The following IFT88 variants were observed in gnomAD, a reference collection of about 807,000 sequenced individuals.
The protein encoded by IFT88 is intraflagellar transport 88, also known as intraflagellar transport protein 88 homolog.
IFT88 carries 74 observed loss-of-function variants against 119.5 expected under a neutral mutation model. The observed-to-expected ratio is 0.62, with a 90% CI of 0.51 to 0.75. The LOEUF is 0.75. Among genes scored for constraint, IFT88 ranks in the 30% least tolerant of loss-of-function variants. IFT88 has a pLI of 0.00. For missense variants in IFT88, 961 were observed against 977.7 expected, an observed-to-expected ratio of 0.98 and a Z score of 0.23; for synonymous variants, 279 against 316.7, an observed-to-expected ratio of 0.88 and a Z score of 1.26.
At chr13:20,644,993 G>A in intron 20 of IFT88, 35 bp downstream of exon 20, 1 of 999,648 alleles carries the variant, frequency 1.0e-6, no homozygotes, top group Non-Finnish European at 1.5e-6. Flanking sequence ...TTTAGTTAAT[G>A]TCATGTCTTG....
intron 24 of IFT88, among the ~76,000 whole-genome samples, chr13:20,672,272 A>G (rs1235523727): frequency 6.6e-6 from 1 of 152,132 alleles, no homozygotes; most frequent in Non-Finnish European, 1.5e-5. Flanking sequence ...AGGCCACTTG[A>G]TTCCCCAAGA....
rs565838510 is a variant in IFT88, at chr13:20,655,582, C to A, written c.2003-783C>A. On this transcript the variant is annotated intron_variant, in intron 21 of 25. Coordinates refer to ENST00000351808, the MANE Select transcript of IFT88 (RefSeq NM_006531.5). ...AATCACAGCTCACTGCAACTTCCAC[C>A]TCCTGGGTTCAAGCGATTCTCCTGT... Among the ~76,000 whole-genome samples the A allele has an allele frequency of 2.3e-4, 35 of 152,216 alleles. No individual in the cohort carries two copies. In the South Asian group the frequency reaches 6.8e-3, roughly 30 times the overall value.
chr13:20,609,391 T>C (rs1430790449), intron 13 of IFT88, among the ~76,000 whole-genome samples: 1 of 152,172 alleles, frequency 6.6e-6, no homozygotes, highest in East Asian at 1.9e-4. Context: ...ATCTGAATCA[T>C]GTTCTGGGTA....
intron 13 of IFT88, among the ~76,000 whole-genome samples, chr13:20,614,607 G>C (rs948813849): frequency 2.0e-5 from 3 of 152,146 alleles, no homozygotes; most frequent in African/African-American, 7.2e-5. Context: ...TGGAAATATA[G>C]TGGGAATATT....
chr13:20,572,044 T>TC (rs397691290), intron 1 of IFT88, among the ~76,000 whole-genome samples: 10 of 151,642 alleles, frequency 6.6e-5, no homozygotes, highest in African/African-American at 2.4e-4. Context: ...TATCTTTTTT[T>TC]CTGTCTTGCA....
chr13:20,650,943 G>A (rs2051551229), intron 20 of IFT88, among the ~76,000 whole-genome samples: 1 of 151,994 alleles, frequency 6.6e-6, no homozygotes, highest in South Asian at 2.1e-4. Context: ...GAGTGGTCTT[G>A]GCACCTTTTG....
chr13:20,638,290 A>C (rs375160334), intron 16 of IFT88, 42 bp from the exon 17 acceptor site: 9 of 1,040,906 alleles, frequency 8.6e-6, no homozygotes, highest in Middle Eastern at 2.3e-4. Flanking sequence ...CAGAAAAGGT[A>C]TTTCATGAAA....
At chr13:20,677,578 A>G (rs1373783208) in intron 24 of IFT88, among the ~76,000 whole-genome samples, 1 of 152,234 alleles carries the variant, frequency 6.6e-6, no homozygotes, top group Non-Finnish European at 1.5e-5. Context: ...GTCAGATTAC[A>G]GAGCACCTAG....
At position 20,614,817 on chromosome 13, in the gene IFT88, C is replaced by CTTTTTTTTTTTTTTTT. The variant is rs762297940; in HGVS notation, c.1113-975_1113-960dup. On this transcript the variant is annotated intron_variant, in intron 13 of 25. Coordinates refer to ENST00000351808, the MANE Select transcript of IFT88 (RefSeq NM_006531.5). The stretch of plus-strand genomic sequence containing the variant: ...ATGATTTGGAAAGATTATTTCTTTT[C>CTTTTTTTTTTTTTTTT]TTTTTTTTTTTTTTTTGAGACGGAG... Among the ~76,000 whole-genome samples, 54 of 125,842 alleles carry CTTTTTTTTTTTTTTTT rather than the reference C, an allele frequency of 4.3e-4. 1 individual carries two copies. The highest frequency in any genetic ancestry group is 1.4e-3 in the African/African-American group (50 of 35,786). 82.6% of individuals were successfully genotyped at this position (125,842 alleles called of 152,430 possible). A position where few individuals can be genotyped will look rare whatever the true frequency, so the allele number is the denominator to read the frequency against.
chr13:20,644,195 C>T (rs1235501984), intron 19 of IFT88, among the ~76,000 whole-genome samples: 8 of 152,006 alleles, frequency 5.3e-5, no homozygotes. Flanking sequence ...AACAAGACCC[C>T]ATCTCTACAA....
rs2042640988 is a variant in IFT88, at chr13:20,601,850, G to C, written c.958G>C (p.Asp320His). ...NLTICYFAIGDREKMKKAFQK... is the reference protein window; with the variant it reads ...NLTICYFAIGHREKMKKAFQK... The stretch of plus-strand genomic sequence containing the variant: ...AACTATCTGTTATTTTGCTATTGGA[G>C]ACCGAGAAAAAATGAAGAAGGCATT... Residue 320 changes from aspartate (D) to histidine (H), a missense_variant, in exon 12 of 26, where the codon GAC (aspartate) becomes CAC (histidine). Transcript: ENST00000351808. 1 of 1,613,210 alleles carries C rather than the reference G, an allele frequency of 6.2e-7. No individual in the cohort carries two copies. Among genetic ancestry groups the C allele is most frequent in the Non-Finnish European group, 8.5e-7 (1 of 1,179,298 alleles).
intron 16 of IFT88, among the ~76,000 whole-genome samples, chr13:20,634,151 A>G (rs74695754): frequency 6.6e-6 from 1 of 152,200 alleles, no homozygotes; most frequent in Non-Finnish European, 1.5e-5. Context: ...AGCAAACCCC[A>G]GTACACAGGT....
chr13:20,648,247 T>G (rs2051040470), intron 20 of IFT88, among the ~76,000 whole-genome samples: 1 of 152,008 alleles, frequency 6.6e-6, no homozygotes. Flanking sequence ...AATACAAAAA[T>G]TAGCTGGGTG....
intron 24 of IFT88, among the ~76,000 whole-genome samples, chr13:20,684,491 G>A (rs1219594144): frequency 6.6e-6 from 1 of 152,098 alleles, no homozygotes; most frequent in African/African-American, 2.4e-5. Flanking sequence ...TATATAGAAA[G>A]GCTCCAAGGT....
chr13:20,596,887 A>G, intron 8 of IFT88, 128 bp from the exon 9 acceptor site: 2 of 545,114 alleles, frequency 3.7e-6, no homozygotes, highest in South Asian at 6.5e-5. Flanking sequence ...TGGTAAGAGC[A>G]CACAGGGGTG....
At chr13:20,595,601 C>A (rs1227908563) in intron 7 of IFT88, among the ~76,000 whole-genome samples, 1 of 151,970 alleles carries the variant, frequency 6.6e-6, no homozygotes, top group African/African-American at 2.4e-5. Flanking sequence ...TGTTACCTAC[C>A]TTGACTGTTG....
intron 23 of IFT88, among the ~76,000 whole-genome samples, chr13:20,668,240 G>C (rs980167982): frequency 1.3e-5 from 2 of 152,172 alleles, no homozygotes; most frequent in African/African-American, 4.8e-5. Flanking sequence ...CTGTCTCTTG[G>C]GTGTTTACTT....
Position 20,615,885 on chromosome 13 carries a change from A to G in IFT88, c.1199+6A>G. ...TTTGCTGCAGGTTATGATTGGTAAG[A>G]GAGAAAGTCTATAATACTGCATAGA... On this transcript the variant is annotated splice_donor_region_variant and intron_variant, in intron 14 of 25. Transcript: ENST00000351808. 6.4e-7 allele frequency: 1 copy of G among 1,572,658 alleles called. No individual in the cohort carries two copies. The highest frequency in any genetic ancestry group is 8.7e-7 in the Non-Finnish European group (1 of 1,147,742).
chr13:20,591,976 C>T (rs1487867631), intron 6 of IFT88, among the ~76,000 whole-genome samples: 2 of 151,572 alleles, frequency 1.3e-5, no homozygotes, highest in East Asian at 1.9e-4. Flanking sequence ...TTTGGTATGC[C>T]AATAAGGAAA....
Sources: gnomAD v4.1 joint callset for allele counts (sites outside exome capture counted in the v4.1 genomes callset) on GRCh38, gnomAD v4.1.1 for gene constraint, MANE v1.5 for transcripts, NCBI Gene and HGNC (gene_info 2026-07-23, HGNC 2026-07-21) for gene names.